The following BPTF variants were observed in gnomAD, a reference collection of about 807,000 sequenced individuals.
The protein encoded by BPTF is nucleosome-remodeling factor subunit BPTF.
BPTF carries 18 observed loss-of-function variants against 292.5 expected under a neutral mutation model. The ratio of observed to expected loss-of-function variants is 0.06; its 90% CI spans 0.04 to 0.09. The LOEUF (loss-of-function observed/expected upper bound fraction) is 0.09, where lower values mean the gene tolerates loss of function less well. Among genes scored for constraint, BPTF ranks in the 10% least tolerant of loss-of-function variants. BPTF has a pLI of 1.00. For synonymous variants in BPTF, 1,225 were observed against 1,251.9 expected (o/e 0.98, Z 0.45); for missense variants, 2,726 against 3,498.7 (o/e 0.78, Z 5.57).
intron 4 of BPTF, among the ~76,000 whole-genome samples, chr17:67,889,340 A>G (rs1363615471): frequency 6.6e-6 from 1 of 152,206 alleles, no homozygotes; most frequent in East Asian, 1.9e-4. Flanking sequence ...GACTCTGAGC[A>G]GTATTGGATT....
Position 67,975,845 on chromosome 17 carries a change from C to G in BPTF, c.8613C>G (p.Thr2871=), listed in dbSNP as rs781979416. Residue 2871 remains threonine (T), a synonymous_variant, in exon 27 of 28, where the codon ACC becomes ACG. Coordinates refer to ENST00000306378, the MANE Select transcript of BPTF (RefSeq NM_182641.4). The part of the protein sequence containing the change: ...EKLTEFVADM[T]KIFDNCRYYN... The stretch of plus-strand genomic sequence containing the variant: ...TGACGGAATTTGTGGCAGATATGAC[C>G]AAAATTTTTGATAACTGTCGTTACT... 6.2e-7 allele frequency: 1 copy of G among 1,613,808 alleles called. No homozygotes were observed. The highest frequency in any genetic ancestry group is 8.5e-7 in the Non-Finnish European group (1 of 1,179,884).
chr17:67,888,363 C>T (rs898179236), intron 4 of BPTF, among the ~76,000 whole-genome samples: 3 of 151,748 alleles, frequency 2.0e-5, no homozygotes, highest in Non-Finnish European at 4.4e-5. Flanking sequence ...CCAAGGCGGG[C>T]GGATCACGAG....
At chr17:67,964,089 T>A in intron 24 of BPTF, 123 bp from the exon 25 acceptor site, 1 of 1,001,978 alleles carries the variant, frequency 1.0e-6, no homozygotes, top group Non-Finnish European at 1.5e-6. Flanking sequence ...TTGAAAGTAT[T>A]AAAACCATAA....
At chr17:67,960,817 A>G (rs1208373924) in intron 24 of BPTF, among the ~76,000 whole-genome samples, 2 of 152,218 alleles carry the variant, frequency 1.3e-5, no homozygotes, top group South Asian at 2.1e-4. Flanking sequence ...TCAAGTTGCA[A>G]CATTGAAGCT....
chr17:67,942,473 A>T (rs1408032612), intron 19 of BPTF, among the ~76,000 whole-genome samples: 1 of 152,194 alleles, frequency 6.6e-6, no homozygotes, highest in African/African-American at 2.4e-5. Flanking sequence ...TGTCCAACAA[A>T]ACCAAGAGTT....
chr17:67,875,467 G>T, intron 4 of BPTF: 2 of 1,053,348 alleles, frequency 1.9e-6, no homozygotes, highest in Non-Finnish European at 2.6e-6. Flanking sequence ...GGTTTTTTGT[G>T]ATTATTTAGT....
intron 23 of BPTF, among the ~76,000 whole-genome samples, chr17:67,958,477 C>T (rs2067157447): frequency 6.6e-6 from 1 of 152,078 alleles, no homozygotes; most frequent in Non-Finnish European, 1.5e-5. Context: ...CCTGTAATCC[C>T]AGGACTTTGG....
At chr17:67,948,625 T>C (rs782398507) in intron 23 of BPTF, among the ~76,000 whole-genome samples, 10 of 152,184 alleles carry the variant, frequency 6.6e-5, no homozygotes, top group Non-Finnish European at 1.2e-4. Flanking sequence ...GGAGCAGAGC[T>C]TCATGAGAAA....
chr17:67,880,100 A>T (rs1037239311), intron 4 of BPTF, among the ~76,000 whole-genome samples: 3 of 152,132 alleles, frequency 2.0e-5, no homozygotes, highest in Non-Finnish European at 4.4e-5. Context: ...TATTAGCATA[A>T]TAACATCGTA....
At chr17:67,925,051 G>GTTTTTTTT in intron 15 of BPTF, among the ~76,000 whole-genome samples, 1 of 126,136 alleles carries the variant, frequency 7.9e-6, no homozygotes, top group Non-Finnish European at 1.7e-5. Context: ...ACCCATCCAG[G>GTTTTTTTT]TTTTTTTTTT....
At chr17:67,879,605 AAAG>A (rs1392436904) in intron 4 of BPTF, among the ~76,000 whole-genome samples, 1 of 152,190 alleles carries the variant, frequency 6.6e-6, no homozygotes, top group African/African-American at 2.4e-5. Context: ...TTATTTAAAA[AAAG>A]AGATTTCTTT....
chr17:67,866,274 G>T (rs979691915), intron 2 of BPTF, among the ~76,000 whole-genome samples, 190 bp from the exon 3 acceptor site: 1 of 152,046 alleles, frequency 6.6e-6, no homozygotes, highest in African/African-American at 2.4e-5. Flanking sequence ...ATTTTTCTTT[G>T]TGTCATGTTT....
chr17:67,969,328 C>G (rs1380806375), intron 26 of BPTF, among the ~76,000 whole-genome samples: 3 of 150,034 alleles, frequency 2.0e-5, no homozygotes, highest in African/African-American at 7.5e-5. Flanking sequence ...GTGGCGGGTG[C>G]CTGTACCCAG....
intron 4 of BPTF, among the ~76,000 whole-genome samples, chr17:67,878,038 C>T (rs1289946691): frequency 6.6e-6 from 1 of 152,156 alleles, no homozygotes; most frequent in Non-Finnish European, 1.5e-5. Context: ...CATATCGTGC[C>T]CCCTTTTAGC....
At position 67,982,332 on chromosome 17, in the gene BPTF, T is replaced by TCTG; in HGVS notation, c.*44_*45insCTG. ...AACATAAAACACAGCAAGAATCTGGTTGTCTGAACTATTTTAAATTAAGGA... is the reference window on the plus strand; with the variant it reads ...AACATAAAACACAGCAAGAATCTGGTCTGTGTCTGAACTATTTTAAATTAAGGA... On this transcript the variant is annotated 3_prime_UTR_variant, in exon 28 of 28. Transcript: ENST00000306378. The TCTG allele has an allele frequency of 1.3e-6, 2 of 1,552,892 alleles. No homozygotes were observed. Among genetic ancestry groups the TCTG allele is most frequent in the Non-Finnish European group, 1.8e-6 (2 of 1,128,706 alleles).
At chr17:67,847,285 T>C (rs778563606) in intron 1 of BPTF, among the ~76,000 whole-genome samples, 2 of 151,780 alleles carry the variant, frequency 1.3e-5, no homozygotes, top group Non-Finnish European at 1.5e-5. Context: ...GAAGCCGAGG[T>C]GGGTGGATCA....
Position 67,982,428 on chromosome 17 carries a change from C to A in BPTF, c.*140C>A. 1 of 653,662 alleles carries A rather than the reference C, an allele frequency of 1.5e-6. No individual in the cohort carries two copies. The highest frequency in any genetic ancestry group is 3.2e-5 in the South Asian group (1 of 30,914). 40.5% of individuals were successfully genotyped at this position (653,662 alleles called of 1,614,324 possible). ...CTTCGTTTTTATTGGTCATAACAGT[C>A]CAATTATATTCTTGGCCAATTTTGT... On this transcript the variant is annotated 3_prime_UTR_variant, in exon 28 of 28. Coordinates refer to ENST00000306378, the MANE Select transcript of BPTF (RefSeq NM_182641.4).
intron 19 of BPTF, among the ~76,000 whole-genome samples, chr17:67,943,918 T>G (rs1201936041): frequency 6.6e-6 from 1 of 152,208 alleles, no homozygotes; most frequent in East Asian, 1.9e-4. Context: ...TGTGGACAGA[T>G]AACTGGCTGA....
At position 67,874,858 on chromosome 17, in the gene BPTF, G is replaced by A. The variant is rs2059960894; in HGVS notation, c.1702G>A (p.Asp568Asn). The A allele has an allele frequency of 6.2e-7, 1 of 1,613,400 alleles. No individual in the cohort carries two copies. Among genetic ancestry groups the A allele is most frequent in the Non-Finnish European group, 8.5e-7 (1 of 1,179,824 alleles). ...CATAAGAGCCAAAAAGGGAGACATT[G>A]ATAATGTTAAAAGCCCAGAAGAAAC... ...ESIRAKKGDIDNVKSPEETEK... is the reference protein window; with the variant it reads ...ESIRAKKGDINNVKSPEETEK... The change falls in exon 4 of 28, where the codon GAT becomes AAT. Residue 568 changes from aspartate to asparagine, a missense_variant. By Grantham distance (23) the Asp-to-Asn change is conservative. Coordinates refer to ENST00000306378, the MANE Select transcript of BPTF (RefSeq NM_182641.4).
Sources: gnomAD v4.1 joint callset for allele counts (sites outside exome capture counted in the v4.1 genomes callset) on GRCh38, gnomAD v4.1.1 for gene constraint, MANE v1.5 for transcripts, NCBI Gene and HGNC (gene_info 2026-07-23, HGNC 2026-07-21) for gene names.